The following CDK11B variants were observed in gnomAD, a reference collection of about 807,000 sequenced individuals.
CDK11B encodes the protein cyclin dependent kinase 11B.
A neutral mutation model predicts 84.0 loss-of-function variants in CDK11B; 37 were observed. The observed-to-expected ratio is 0.44, with a 90% CI of 0.34 to 0.58. The LOEUF is 0.58. Ranked by LOEUF, CDK11B falls within the 20% of genes least tolerant of loss-of-function variation. CDK11B has a pLI of 0.02. For synonymous variants in CDK11B, 269 were observed against 309.8 expected (o/e 0.87, Z 1.38); for missense variants, 427 against 834.0 (o/e 0.51, Z 6.01).
Position 1,637,688 on chromosome 1 carries a change from C to G in CDK11B, c.1464+74G>C. 1.9e-6 allele frequency: 3 copies of G among 1,612,110 alleles called. No individual in the cohort carries two copies. The South Asian group carries it at 3.3e-5, about 18-fold the overall frequency. ...AGTGCAGGAGAGTGTAGGAAGCACC[C>G]GGCCCCAGGACAGCACGGGGCCCTG... is the stretch of plus-strand genomic sequence containing the variant. On this transcript the variant is annotated intron_variant, in intron 13 of 19. Transcript: ENST00000341832.
At chr1:1,649,793 G>A (rs1476209491) in intron 4 of CDK11B, among the ~76,000 whole-genome samples, 156 bp from the exon 5 acceptor site, 2 of 151,616 alleles carry the variant, frequency 1.3e-5, no homozygotes, top group African/African-American at 2.4e-5. Context: ...TGGCCAACAT[G>A]GTGAAACCCC....
intron 10 of CDK11B, 137 bp downstream of exon 10, chr1:1,640,911 C>G (rs1352144551): frequency 2.9e-5 from 32 of 1,122,088 alleles, no homozygotes; most frequent in Admixed American, 1.8e-4. Flanking sequence ...ACCGGCACAG[C>G]CTGGAGCGGC....
rs746631092 is a variant in CDK11B, at chr1:1,636,466, T to C, written c.1933A>G (p.Ser645Gly). Residue 645 changes from serine (S) to glycine (G), a missense_variant, in exon 18 of 20, where the codon AGT (serine) becomes GGT (glycine). Transcript: ENST00000341832. The part of the protein sequence containing the change: ...NKVFKDLGTP[S>G]EKIWPGYSEL... ...CTGTAGCCGGGCCAGATTTTCTCACTAGGGGTCCCCAGATCCTGAAAGACA... is the reference window on the plus strand; with the variant it reads ...CTGTAGCCGGGCCAGATTTTCTCACCAGGGGTCCCCAGATCCTGAAAGACA... 6.2e-7 allele frequency: 1 copy of C among 1,612,552 alleles called. No individual in the cohort carries two copies. The highest frequency in any genetic ancestry group is 1.1e-5 in the South Asian group (1 of 90,822).
At chr1:1,657,897 T>A (rs1642972094) in intron 1 of CDK11B, among the ~76,000 whole-genome samples, 1 of 117,170 alleles carries the variant, frequency 8.5e-6, no homozygotes, top group Non-Finnish European at 1.7e-5. Context: ...AAAGTAAGAC[T>A]TGGTTAAAAA....
intron 4 of CDK11B, among the ~76,000 whole-genome samples, chr1:1,651,718 G>A (rs1399870671): frequency 6.6e-6 from 1 of 150,704 alleles, no homozygotes. Flanking sequence ...AATGGTCTGT[G>A]ACACACGCAT....
At chr1:1,645,793 C>T (rs1298788768) in intron 5 of CDK11B, 3 of 340,002 alleles carry the variant, frequency 8.8e-6, no homozygotes, top group African/African-American at 6.6e-5. Flanking sequence ...GCTGTATCTT[C>T]CTGCTGTATT....
At chr1:1,647,519 G>A (rs61774922) in intron 5 of CDK11B, among the ~76,000 whole-genome samples, 2 of 147,244 alleles carry the variant, frequency 1.4e-5, no homozygotes, top group Non-Finnish European at 3.0e-5. Context: ...ACTGGAAAAA[G>A]GCTGGGCTCA....
rs202232533 is a variant in CDK11B, at chr1:1,655,293, C to G, written c.227+76G>C. 10 of 1,524,600 alleles carry G rather than the reference C, an allele frequency of 6.6e-6. 1 individual carries two copies. The South Asian group carries it at 1.1e-4, about 17-fold the overall frequency. 94.4% of individuals were successfully genotyped at this position (1,524,600 alleles called of 1,614,324 possible). The stretch of plus-strand genomic sequence containing the variant: ...AATAGTTACAACAGCACACAGTTGT[C>G]ACAGCGACCCTAGGAAGGACCGGCC... On this transcript the variant is annotated intron_variant, in intron 3 of 19. Transcript: ENST00000341832.
At chr1:1,657,837 C>G (rs1414182957) in intron 1 of CDK11B, among the ~76,000 whole-genome samples, 7 of 114,850 alleles carry the variant, frequency 6.1e-5, no homozygotes, top group South Asian at 3.1e-4. Context: ...TCAGAGAGGT[C>G]AAGGCTGCAA....
At chr1:1,647,476 C>T (rs1421064022) in intron 5 of CDK11B, among the ~76,000 whole-genome samples, 2 of 152,242 alleles carry the variant, frequency 1.3e-5, no homozygotes, top group Admixed American at 6.5e-5. Context: ...TAGGGGTCAC[C>T]ACCATGGCTG....
rs1354684015 is a variant in CDK11B at position 1,636,313 on chromosome 1, C to T, written c.2066+20G>A. 2 of 1,551,162 alleles carry T rather than the reference C, an allele frequency of 1.3e-6. No homozygotes were observed. The highest frequency in any genetic ancestry group is 2.7e-5 in the African/African-American group (2 of 73,232). ...CGCTATGGCTCGGGACCTCCCGCCA[C>T]CCGGCTGCACTGGGCTCACTTGTTC... On this transcript the variant is annotated intron_variant, in intron 18 of 19. Transcript: ENST00000341832.
In CDK11B at chr1:1,639,316, C is replaced by T. The variant is rs912138468; in HGVS notation, c.1252-726G>A. 1.7e-4 allele frequency among the ~76,000 whole-genome samples: 26 copies of T among 151,752 alleles called. 1 individual carries two copies. Among genetic ancestry groups the T allele is most frequent in the African/African-American group, 6.3e-4 (26 of 41,284 alleles). On this transcript the variant is annotated intron_variant, in intron 11 of 19. Coordinates refer to ENST00000341832, the MANE Select transcript of CDK11B (RefSeq NM_033486.3). ...CCTGTAGTTCCAGCTACTCAGGAGG[C>T]TGAAATGGGAGGATTGTTTGAGCCT...
chr1:1,658,783 G>A, intron 1 of CDK11B, 131 bp downstream of exon 1: 1 of 153,780 alleles, frequency 6.5e-6, no homozygotes, highest in Non-Finnish European at 1.5e-5. Flanking sequence ...GGATGAGACT[G>A]TCCGCGGAAG....
At chr1:1,655,103 T>C (rs530300252) in intron 3 of CDK11B, among the ~76,000 whole-genome samples, 4 of 152,206 alleles carry the variant, frequency 2.6e-5, no homozygotes, top group East Asian at 1.9e-4. Context: ...AAATCCTATA[T>C]AGTATATTTT....
In CDK11B at chr1:1,649,531, C is replaced by A; in HGVS notation, c.462G>T (p.Arg154Ser). ...ARREWERQKR[R>S]EMAREHSRRE... ...TCCTGGAATGCTCCCTTGCCATCTC[C>A]CTTCTCTTCTGTCTTTCCCATTCCC... The change falls in exon 5 of 20, where the codon AGG becomes AGT. Residue 154 changes from arginine (R) to serine (S), a missense_variant. Coordinates refer to ENST00000341832, the MANE Select transcript of CDK11B (RefSeq NM_033486.3). The A allele has an allele frequency of 3.7e-6, 6 of 1,600,110 alleles. No individual in the cohort carries two copies. Among genetic ancestry groups the A allele is most frequent in the Non-Finnish European group, 4.3e-6 (5 of 1,167,390 alleles).
At chr1:1,640,500 T>C (rs563161073) in intron 10 of CDK11B, 48 bp from the exon 11 acceptor site, 23 of 1,613,542 alleles carry the variant, frequency 1.4e-5, no homozygotes, top group South Asian at 5.5e-5. Context: ...GCAAGGATCA[T>C]GAACCTCCTC....
intron 5 of CDK11B, among the ~76,000 whole-genome samples, chr1:1,648,577 A>C (rs1264298689): frequency 6.6e-6 from 1 of 150,848 alleles, no homozygotes; most frequent in African/African-American, 2.5e-5. Context: ...CTGTGGACTC[A>C]CTCTGAAGGC....
intron 13 of CDK11B, 69 bp from the exon 14 acceptor site, chr1:1,637,582 C>T (rs376482852): frequency 1.6e-5 from 25 of 1,600,114 alleles, no homozygotes; most frequent in Non-Finnish European, 2.1e-5. Context: ...CCGGGTGCAG[C>T]TGCTGAGGGA....
chr1:1,658,426 C>G (rs1410745530), intron 1 of CDK11B, among the ~76,000 whole-genome samples: 1 of 149,386 alleles, frequency 6.7e-6, no homozygotes, highest in Admixed American at 6.7e-5. Context: ...TCAGTTTAGT[C>G]TTCCGTACAA....
Sources: allele counts gnomAD v4.1 joint callset (sites outside exome capture counted in the v4.1 genomes callset), GRCh38; gene constraint gnomAD v4.1.1; transcripts MANE v1.5; gene names NCBI Gene and HGNC (gene_info 2026-07-23, HGNC 2026-07-21).